The following TENM3 variants were observed in gnomAD, a reference collection of about 807,000 sequenced individuals.
TENM3 encodes teneurin transmembrane protein 3.
In TENM3, 63 loss-of-function variants were observed where a neutral mutation model predicts 255.1. The ratio of observed to expected loss-of-function variants is 0.25; its 90% CI spans 0.20 to 0.30. The LOEUF is 0.30. Among genes scored for constraint, TENM3 ranks in the 10% least tolerant of loss-of-function variants. The probability of loss-of-function intolerance (pLI) is 1.00; values close to 1 mark genes in which losing one functional copy is unlikely to be tolerated. For synonymous variants in TENM3, 1,306 were observed against 1,322.3 expected (o/e 0.99, Z 0.27); for missense variants, 2,929 against 3,461.1 (o/e 0.85, Z 3.86).
intron 3 of TENM3, among the ~76,000 whole-genome samples, chr4:182,513,099 A>C (rs914942325): frequency 2.0e-5 from 3 of 152,194 alleles, no homozygotes; most frequent in Non-Finnish European, 4.4e-5. Context: ...AGAAGTGAGG[A>C]TAGGATAGGG....
At chr4:182,376,536 A>T (rs1767190793) in intron 3 of TENM3, among the ~76,000 whole-genome samples, 1 of 152,216 alleles carries the variant, frequency 6.6e-6, no homozygotes, top group Non-Finnish European at 1.5e-5. Context: ...ATATCATTTA[A>T]AATGCAATAA....
At position 182,681,808 on chromosome 4, in the gene TENM3, C is replaced by T. The variant is rs959416884; in HGVS notation, c.1835-6C>T. On this transcript the variant is annotated splice_polypyrimidine_tract_variant and splice_region_variant and intron_variant, in intron 10 of 27. Coordinates refer to ENST00000511685, the MANE Select transcript of TENM3 (RefSeq NM_001080477.4). ...TTTAATAAAATTGTTCTTTTCTTTA[C>T]ACCAGCTGACTGTATAGACCCTGGG... The T allele has an allele frequency of 6.2e-7, 1 of 1,603,672 alleles. No individual in the cohort carries two copies. The highest frequency in any genetic ancestry group is 2.2e-5 in the East Asian group (1 of 44,632).
the TENM3 span, among the ~76,000 whole-genome samples, chr4:181,912,612 G>C: frequency 1.3e-5 from 2 of 151,956 alleles, no homozygotes; most frequent in South Asian, 4.2e-4. Context: ...GGCCAACATA[G>C]TGAAACCCTG....
chr4:181,761,476 G>A, the TENM3 span, among the ~76,000 whole-genome samples: 6 of 151,938 alleles, frequency 3.9e-5, no homozygotes, highest in South Asian at 2.1e-4. Flanking sequence ...ATTCTCTGAA[G>A]CCTTTATCAT....
intron 3 of TENM3, among the ~76,000 whole-genome samples, chr4:182,547,269 A>C (rs1434079176): frequency 6.6e-6 from 1 of 152,176 alleles, no homozygotes; most frequent in Admixed American, 6.5e-5. Context: ...TAGAAAGTAG[A>C]GTATAATGTT....
the TENM3 span, among the ~76,000 whole-genome samples, chr4:182,136,451 A>G: frequency 6.6e-6 from 1 of 152,210 alleles, no homozygotes; most frequent in South Asian, 2.1e-4. Context: ...GATTAAACTG[A>G]ATTTCTTGCA....
chr4:181,449,045 A>G, the TENM3 span, among the ~76,000 whole-genome samples: 28 of 152,350 alleles, frequency 1.8e-4, no homozygotes, highest in Admixed American at 1.4e-3. Flanking sequence ...GAACATCTAA[A>G]TGTCACAGGT....
the TENM3 span, among the ~76,000 whole-genome samples, chr4:181,929,609 A>T: frequency 6.6e-6 from 1 of 152,180 alleles, no homozygotes; most frequent in African/African-American, 2.4e-5. Flanking sequence ...CACTGTCAAT[A>T]TTAGACAGAT....
intron 22 of TENM3, among the ~76,000 whole-genome samples, chr4:182,755,599 G>A (rs988418651): frequency 6.6e-6 from 1 of 152,154 alleles, no homozygotes; most frequent in African/African-American, 2.4e-5. Flanking sequence ...AGCACTTTGG[G>A]AGGCCGAGGC....
rs745725987 is a variant in TENM3 at position 182,799,437 on chromosome 4, G to C, written c.7345-159G>C. ...GATCACCTTGAGGGGGAGGGATCTC[G>C]AGTGCTCCCTCCACCCGGGCTGTCA... On this transcript the variant is annotated intron_variant, in intron 27 of 27. Transcript: ENST00000511685. The surrounding 1 kb of genome is among the most constrained non-coding windows in gnomAD (Gnocchi z 4.2). Among the ~76,000 whole-genome samples, 1 of 152,204 alleles carries C rather than the reference G, an allele frequency of 6.6e-6. No individual in the cohort carries two copies. Among genetic ancestry groups the C allele is most frequent in the African/African-American group, 2.4e-5 (1 of 41,452 alleles).
the TENM3 span, among the ~76,000 whole-genome samples, chr4:181,662,021 A>G: frequency 2.0e-5 from 3 of 152,174 alleles, no homozygotes; most frequent in African/African-American, 7.2e-5. Flanking sequence ...ATGTAGTAAC[A>G]TCACTTCTTT....
chr4:181,733,500 C>G, the TENM3 span, among the ~76,000 whole-genome samples: 1 of 152,182 alleles, frequency 6.6e-6, no homozygotes. Context: ...CTCTTACACT[C>G]TCCTCGTTTT....
At chr4:182,347,454 A>T (rs1764901830) in intron 3 of TENM3, among the ~76,000 whole-genome samples, 1 of 152,206 alleles carries the variant, frequency 6.6e-6, no homozygotes, top group Non-Finnish European at 1.5e-5. Context: ...TCATGCTTTA[A>T]ACTTAAGAGT....
the TENM3 span, among the ~76,000 whole-genome samples, chr4:181,944,839 G>A: frequency 9.9e-5 from 15 of 151,956 alleles, no homozygotes; most frequent in Non-Finnish European, 1.9e-4. Flanking sequence ...CCACACCCCT[G>A]CAGCACCTGT....
chr4:182,111,049 TC>T, the TENM3 span, among the ~76,000 whole-genome samples: 1 of 152,140 alleles, frequency 6.6e-6, no homozygotes, highest in Non-Finnish European at 1.5e-5. Flanking sequence ...TTTTTTAAAA[TC>T]CGAAGTAAAG....
chr4:181,955,727 G>C, the TENM3 span, among the ~76,000 whole-genome samples: 2 of 152,144 alleles, frequency 1.3e-5, no homozygotes, highest in East Asian at 3.8e-4. Context: ...TTAACGAAGG[G>C]CTGCCATGGT....
chr4:181,548,985 G>GGAA, the TENM3 span, among the ~76,000 whole-genome samples: 1 of 152,176 alleles, frequency 6.6e-6, no homozygotes, highest in African/African-American at 2.4e-5. Context: ...CTGTCAGCCT[G>GGAA]GAAGGCATTC....
chr4:182,551,210 G>C (rs377363601), intron 3 of TENM3, among the ~76,000 whole-genome samples: 1 of 126,350 alleles, frequency 7.9e-6, no homozygotes, highest in African/African-American at 3.0e-5. Context: ...GACAGAGTGA[G>C]ACTCCATCTA....
the TENM3 span, among the ~76,000 whole-genome samples, chr4:181,733,301 GTAGT>G: frequency 6.6e-6 from 1 of 152,180 alleles, no homozygotes; most frequent in African/African-American, 2.4e-5. Flanking sequence ...GTCTTAAAAT[GTAGT>G]TATTTTCCAA....
Sources: allele counts gnomAD v4.1 joint callset (sites outside exome capture counted in the v4.1 genomes callset), GRCh38; gene constraint gnomAD v4.1.1; non-coding constraint Gnocchi (gnomAD v3.1); transcripts MANE v1.5; gene names NCBI Gene and HGNC (gene_info 2026-07-23, HGNC 2026-07-21).